MBP: variants seen among roughly 807,000 people sequenced by gnomAD.
The protein encoded by MBP is Golli-MBP.
Under a neutral mutation model 35.8 loss-of-function variants are expected in MBP, and 16 were observed. The ratio of observed to expected loss-of-function variants is 0.45; its 90% CI spans 0.30 to 0.68. The LOEUF is 0.68. MBP is among the 30% of genes least tolerant of loss of function. The pLI is 0.08. For missense variants in MBP, 380 were observed against 404.7 expected, an observed-to-expected ratio of 0.94 and a Z score of 0.52; for synonymous variants, 143 against 159.6, an observed-to-expected ratio of 0.90 and a Z score of 0.78.
intron 4 of MBP, chr18:77,006,742 G>A (rs1242892795): frequency 6.6e-6 from 1 of 152,204 alleles, no homozygotes; most frequent in Non-Finnish European, 1.5e-5. Context: ...GTCTCTGGGA[G>A]TCAGGGAGCT....
intron 4 of MBP, chr18:77,014,249 G>A (rs1182097276): frequency 2.0e-6 from 2 of 985,420 alleles, no homozygotes; most frequent in South Asian, 4.7e-5. Context: ...TCCCGGGCTC[G>A]GGGGCGGCCG....
At chr18:77,060,098 T>TA (rs1973902367) in intron 3 of MBP, among the ~76,000 whole-genome samples, 1 of 152,182 alleles carries the variant, frequency 6.6e-6, no homozygotes, top group South Asian at 2.1e-4. Flanking sequence ...TGTCCTTCTA[T>TA]GTTAAACCAT....
intron 2 of MBP, among the ~76,000 whole-genome samples, chr18:77,092,331 C>T (rs1387641279): frequency 6.6e-6 from 1 of 152,190 alleles, no homozygotes; most frequent in African/African-American, 2.4e-5. Context: ...GCACTGAATG[C>T]GCTCCCCACC....
chr18:77,082,836 T>C (rs1342930266), intron 2 of MBP, among the ~76,000 whole-genome samples: 1 of 151,938 alleles, frequency 6.6e-6, no homozygotes, highest in African/African-American at 2.4e-5. Flanking sequence ...CAGCTGGCTG[T>C]CATAGGTGGT....
At chr18:77,000,520 CG>C (rs1465973361) in intron 4 of MBP, among the ~76,000 whole-genome samples, 1 of 152,182 alleles carries the variant, frequency 6.6e-6, no homozygotes, top group Non-Finnish European at 1.5e-5. Flanking sequence ...AGGAAGACCA[CG>C]GGTGGCCATT....
chr18:77,038,332 C>A (rs1818032694), intron 3 of MBP, among the ~76,000 whole-genome samples: 2 of 152,308 alleles, frequency 1.3e-5, no homozygotes, highest in South Asian at 4.1e-4. Context: ...AACTGGCAGC[C>A]CTGGGTTCCA....
At chr18:77,133,224 G>C (rs1022200049), upstream of MBP, among the ~76,000 whole-genome samples, 1 of 152,170 alleles carries the variant, frequency 6.6e-6, no homozygotes, top group African/African-American at 2.4e-5. Context: ...GAGTCAGCCC[G>C]GCCTGGAGGC....
At chr18:76,997,286 G>A (rs1312745343) in intron 4 of MBP, among the ~76,000 whole-genome samples, 1 of 152,230 alleles carries the variant, frequency 6.6e-6, no homozygotes, top group African/African-American at 2.4e-5. Context: ...GCCTTCCATG[G>A]CAGCCTTGTG....
At position 76,989,148 on chromosome 18, in the gene MBP, C is replaced by T; in HGVS notation, c.682-236G>A. 2.9e-6 allele frequency: 2 copies of T among 682,116 alleles called. No individual in the cohort carries two copies. The highest frequency in any genetic ancestry group is 5.4e-6 in the Non-Finnish European group (2 of 372,626). 42.3% of individuals were successfully genotyped at this position (682,116 alleles called of 1,614,324 possible). ...AGGAAGTGTTTCAGAGGATGGAAAACACCTCCCAGAGGCTCCGTAGCTGGG... is the reference window on the plus strand; with the variant it reads ...AGGAAGTGTTTCAGAGGATGGAAAATACCTCCCAGAGGCTCCGTAGCTGGG... On this transcript the variant is annotated intron_variant, in intron 5 of 8. Coordinates refer to ENST00000355994, the MANE Select transcript of MBP (RefSeq NM_001025101.2). This position sits in a 1 kb window ranked among gnomAD's most constrained non-coding sequence, Gnocchi z 4.0.
At chr18:77,108,333 A>G (rs1055203162) in intron 1 of MBP, 10 of 152,224 alleles carry the variant, frequency 6.6e-5, no homozygotes, top group African/African-American at 2.4e-4. Flanking sequence ...CCAGAGAAAA[A>G]TTGGGTAAAC....
chr18:77,007,346 G>C (rs112042140), intron 4 of MBP, among the ~76,000 whole-genome samples: 1 of 152,202 alleles, frequency 6.6e-6, no homozygotes, highest in Non-Finnish European at 1.5e-5. Flanking sequence ...TGCAAATGGC[G>C]TGGGATTGCC....
intron 3 of MBP, among the ~76,000 whole-genome samples, chr18:77,027,135 C>T (rs1250664448): frequency 2.0e-5 from 3 of 152,084 alleles, no homozygotes; most frequent in Non-Finnish European, 4.4e-5. Flanking sequence ...ATGAAAATGA[C>T]AGGCCTTTGT....
At chr18:77,008,664 C>A (rs1479890843) in intron 4 of MBP, among the ~76,000 whole-genome samples, 1 of 152,224 alleles carries the variant, frequency 6.6e-6, no homozygotes, top group Non-Finnish European at 1.5e-5. Flanking sequence ...CTTCTGCCCC[C>A]AAGCCCTGGC....
intron 4 of MBP, among the ~76,000 whole-genome samples, chr18:77,008,754 A>C (rs1599049552): frequency 6.6e-6 from 1 of 151,156 alleles, no homozygotes. Flanking sequence ...TCATAAACCT[A>C]CTCCTGGCCC....
chr18:76,989,843 G>C lies in MBP; in HGVS notation c.681+113C>G, dbSNP rs753405658. 7 of 887,294 alleles carry C rather than the reference G, an allele frequency of 7.9e-6. No individual in the cohort carries two copies. Among genetic ancestry groups the C allele is most frequent in the Admixed American group, 2.1e-5 (1 of 48,256 alleles). 55.0% of individuals were successfully genotyped at this position (887,294 alleles called of 1,614,324 possible). A position where few individuals can be genotyped will look rare whatever the true frequency, so the allele number is the denominator to read the frequency against. On this transcript the variant is annotated intron_variant, in intron 5 of 8. Transcript: ENST00000355994. The surrounding 1 kb of genome is among the most constrained non-coding windows in gnomAD (Gnocchi z 4.0). The stretch of plus-strand genomic sequence containing the variant: ...GTTCCCCGGCCGGCCTCACCCTGAT[G>C]ATGACCCCGGTGCCACCCCCGAGCG...
intron 3 of MBP, among the ~76,000 whole-genome samples, chr18:77,057,354 C>A (rs1053722746): frequency 1.4e-4 from 22 of 152,200 alleles, no homozygotes; most frequent in African/African-American, 4.8e-4. Context: ...AATATTCCTT[C>A]ATCCCCCAAC....
chr18:77,128,816 T>C (rs1264447230), intron 1 of MBP, among the ~76,000 whole-genome samples: 1 of 152,192 alleles, frequency 6.6e-6, no homozygotes, highest in Non-Finnish European at 1.5e-5. Context: ...TACCTAGAAG[T>C]GGAATTGTTA....
At chr18:77,088,793 A>G (rs1482794932) in intron 2 of MBP, among the ~76,000 whole-genome samples, 6 of 152,208 alleles carry the variant, frequency 3.9e-5, no homozygotes, top group African/African-American at 1.4e-4. Flanking sequence ...CTTTTCCCCC[A>G]AAAATAATAT....
At chr18:76,990,108 C>T (rs371301851) in intron 4 of MBP, 48 bp from the exon 5 acceptor site, 2 of 1,256,922 alleles carry the variant, frequency 1.6e-6, no homozygotes, top group Non-Finnish European at 2.3e-6. Context: ...ACAGTCCCTG[C>T]GGCTTGTCCT....
Sources: gnomAD v4.1 joint callset for allele counts (sites outside exome capture counted in the v4.1 genomes callset) on GRCh38, gnomAD v4.1.1 for gene constraint, Gnocchi (gnomAD v3.1) non-coding constraint, MANE v1.5 for transcripts, NCBI Gene and HGNC (gene_info 2026-07-23, HGNC 2026-07-21) for gene names.